ADGRV1: variants seen among roughly 807,000 people sequenced by gnomAD.
ADGRV1 encodes the protein adhesion G protein-coupled receptor V1, also known as G-protein coupled receptor 98.
A neutral mutation model predicts 596.2 loss-of-function variants in ADGRV1; 359 were observed. The ratio of observed to expected loss-of-function variants is 0.60; its 90% CI spans 0.55 to 0.66. ADGRV1 has a LOEUF of 0.66. ADGRV1 is among the 30% of genes least tolerant of loss of function. The probability of loss-of-function intolerance (pLI) is 0.00; values close to 1 mark genes in which losing one functional copy is unlikely to be tolerated. For synonymous variants in ADGRV1, 2,681 were observed against 2,679.2 expected, an observed-to-expected ratio of 1.00 and a Z score of -0.02; for missense variants, 7,274 against 7,575.6, an observed-to-expected ratio of 0.96 and a Z score of 1.48.
intron 83 of ADGRV1, among the ~76,000 whole-genome samples, chr5:90,911,906 G>C (rs1772923466): frequency 6.6e-6 from 1 of 151,986 alleles, no homozygotes; most frequent in African/African-American, 2.4e-5. Context: ...ATTATACATA[G>C]GACATAAGGA....
chr5:90,747,297 G>A (rs1207362093), intron 52 of ADGRV1, among the ~76,000 whole-genome samples: 3 of 152,106 alleles, frequency 2.0e-5, no homozygotes, highest in Non-Finnish European at 4.4e-5. Flanking sequence ...GCATGTGATA[G>A]GGGATGAGGT....
At chr5:91,060,344 C>T (rs1301773418) in intron 85 of ADGRV1, among the ~76,000 whole-genome samples, 1 of 151,058 alleles carries the variant, frequency 6.6e-6, no homozygotes, top group Non-Finnish European at 1.5e-5. Flanking sequence ...TACAGGCACA[C>T]TCCACCATGC....
chr5:90,825,138 T>C (rs1393302722), intron 76 of ADGRV1, among the ~76,000 whole-genome samples: 7 of 152,176 alleles, frequency 4.6e-5, no homozygotes, highest in Admixed American at 4.6e-4. Context: ...GGTTTCACCC[T>C]GTTGGCCTGG....
intron 1 of ADGRV1, among the ~76,000 whole-genome samples, chr5:90,565,147 G>T (rs563299033): frequency 1.3e-5 from 2 of 152,086 alleles, no homozygotes; most frequent in East Asian, 3.9e-4. Flanking sequence ...TGAGTCAAGA[G>T]AATCGTTTGA....
chr5:91,059,377 A>T (rs1457445560), intron 85 of ADGRV1, among the ~76,000 whole-genome samples: 1 of 151,772 alleles, frequency 6.6e-6, no homozygotes, highest in Non-Finnish European at 1.5e-5. Context: ...TATTACCAGT[A>T]TTTTTTTTGC....
chr5:90,946,508 T>TA (rs1384598445), intron 83 of ADGRV1, among the ~76,000 whole-genome samples: 4 of 152,174 alleles, frequency 2.6e-5, no homozygotes, highest in African/African-American at 9.7e-5. Flanking sequence ...GTAGGTTTGT[T>TA]ACGTAGGTAA....
chr5:90,779,116 T>C lies in ADGRV1; in HGVS notation c.13082+19T>C, dbSNP rs752691152. The stretch of plus-strand genomic sequence containing the variant: ...AGGGAAGGTAAAGGAGAAAGGCAAT[T>C]AGGAAAAAGAAAGCAAAGAGCAGAG... On this transcript the variant is annotated intron_variant, in intron 64 of 89. Coordinates refer to ENST00000405460, the MANE Select transcript of ADGRV1 (RefSeq NM_032119.4). The C allele has an allele frequency of 1.4e-6, 2 of 1,465,634 alleles. No homozygotes were observed. Among genetic ancestry groups the C allele is most frequent in the East Asian group, 4.5e-5 (2 of 43,958 alleles). The allele number at this position is 1,465,634 out of a possible 1,614,324, so 90.8% of individuals were successfully genotyped here. A position where few individuals can be genotyped will look rare whatever the true frequency, so the allele number is the denominator to read the frequency against.
Position 90,759,584 on chromosome 5 carries a change from A to G in ADGRV1, c.12116A>G (p.Lys4039Arg). Residue 4039 changes from lysine (K) to arginine (R), a missense_variant, in exon 58 of 90, where the codon AAG (lysine) becomes AGG (arginine). By Grantham distance (26) the Lys-to-Arg change is conservative (BLOSUM62 2). Coordinates refer to ENST00000405460, the MANE Select transcript of ADGRV1 (RefSeq NM_032119.4). ...SPFGVFGFEE[K>R]TVMIDESLSS... ...TTTGGAGTATTTGGATTTGAAGAAA[A>G]GACTGTAAGTTAAACATATCAGGGG... 4 of 1,612,132 alleles carry G rather than the reference A, an allele frequency of 2.5e-6. No homozygotes were observed. The highest frequency in any genetic ancestry group is 2.5e-6 in the Non-Finnish European group (3 of 1,178,472).
In ADGRV1 at chr5:90,772,693, T is replaced by A. The variant is rs550930125; in HGVS notation, c.12286-1493T>A. 7.8e-4 allele frequency among the ~76,000 whole-genome samples: 118 copies of A among 152,254 alleles called. 1 individual carries two copies. The highest frequency in any genetic ancestry group is 1.8e-4 in the Non-Finnish European group (12 of 68,016). ...AGTAGACAAATGTGCAAATAAGGAA[T>A]CCAAGAATAGAGGAACCAACTGTAT... On this transcript the variant is annotated intron_variant, in intron 59 of 89. Transcript: ENST00000405460.
chr5:91,125,312 A>G (rs1793656322), intron 87 of ADGRV1, among the ~76,000 whole-genome samples: 1 of 152,182 alleles, frequency 6.6e-6, no homozygotes, highest in Admixed American at 6.5e-5. Flanking sequence ...CATTTCATTC[A>G]CTTTGGGTAG....
chr5:90,802,606 G>A (rs1474048564), intron 70 of ADGRV1, 133 bp from the exon 71 acceptor site: 3 of 695,794 alleles, frequency 4.3e-6, no homozygotes, highest in African/African-American at 3.6e-5. Context: ...GTTTTGTGAT[G>A]GGGAAAAGTG....
intron 86 of ADGRV1, among the ~76,000 whole-genome samples, chr5:91,083,847 C>A (rs1789631773): frequency 6.6e-6 from 1 of 152,182 alleles, no homozygotes; most frequent in South Asian, 2.1e-4. Flanking sequence ...GTGAGATGAT[C>A]ACTGGAGCCC....
chr5:91,104,985 G>A lies in ADGRV1; in HGVS notation c.18432+2645G>A, dbSNP rs537424982. Reference sequence around the variant, plus strand: ...TGATCCTCCCACCTTAGCCTCCCACGTAGCTGGGACTACAGGCACATGCCA... The same window carrying A: ...TGATCCTCCCACCTTAGCCTCCCACATAGCTGGGACTACAGGCACATGCCA... On this transcript the variant is annotated intron_variant, in intron 87 of 89. Coordinates refer to ENST00000405460, the MANE Select transcript of ADGRV1 (RefSeq NM_032119.4). 2.2e-4 allele frequency among the ~76,000 whole-genome samples: 33 copies of A among 150,226 alleles called. 1 individual carries two copies. In the South Asian group the frequency reaches 5.3e-3, roughly 24 times the overall value.
intron 84 of ADGRV1, among the ~76,000 whole-genome samples, chr5:90,968,969 G>A (rs367683044): frequency 7.2e-5 from 11 of 151,936 alleles, no homozygotes; most frequent in South Asian, 4.1e-4. Flanking sequence ...TTTTATCTGC[G>A]TATCTTCAGT....
chr5:91,161,257 T>C (rs141984443), intron 89 of ADGRV1, among the ~76,000 whole-genome samples: 2 of 152,292 alleles, frequency 1.3e-5, no homozygotes, highest in African/African-American at 4.8e-5. Flanking sequence ...CATAACACGG[T>C]TCTCCTGTTC....
At chr5:90,764,457 A>G (rs1041205627) in intron 59 of ADGRV1, among the ~76,000 whole-genome samples, 1 of 152,216 alleles carries the variant, frequency 6.6e-6, no homozygotes, top group Non-Finnish European at 1.5e-5. Context: ...CTTTGTGTGT[A>G]TGCACTAAGT....
At chr5:90,902,936 T>C (rs778708403) in intron 83 of ADGRV1, among the ~76,000 whole-genome samples, 4 of 152,148 alleles carry the variant, frequency 2.6e-5, no homozygotes, top group Non-Finnish European at 5.9e-5. Flanking sequence ...ACTTTTGTGT[T>C]TGAAACTATT....
intron 86 of ADGRV1, among the ~76,000 whole-genome samples, chr5:91,080,914 A>G (rs972999130): frequency 6.6e-6 from 1 of 152,172 alleles, no homozygotes; most frequent in African/African-American, 2.4e-5. Flanking sequence ...TCAGATATGT[A>G]ACTCCTTTCT....
At chr5:90,800,565 C>A (rs952464938) in intron 70 of ADGRV1, among the ~76,000 whole-genome samples, 1 of 152,160 alleles carries the variant, frequency 6.6e-6, no homozygotes, top group Non-Finnish European at 1.5e-5. Flanking sequence ...CCAGCAATCC[C>A]ATTATTGGGC....
Sources: allele counts gnomAD v4.1 joint callset (sites outside exome capture counted in the v4.1 genomes callset), GRCh38; gene constraint gnomAD v4.1.1; transcripts MANE v1.5; gene names NCBI Gene and HGNC (gene_info 2026-07-23, HGNC 2026-07-21).